SETD2: variants seen among roughly 807,000 people sequenced by gnomAD.
SETD2 encodes the protein SET domain containing 2, histone lysine methyltransferase.
Under a neutral mutation model 242.1 loss-of-function variants are expected in SETD2, and 31 were observed. The observed-to-expected ratio is 0.13, with a 90% CI of 0.10 to 0.17. The LOEUF (loss-of-function observed/expected upper bound fraction) is 0.17, where lower values mean the gene tolerates loss of function less well. SETD2 is among the 10% of genes least tolerant of loss of function. The probability of loss-of-function intolerance (pLI) is 1.00; values close to 1 mark genes in which losing one functional copy is unlikely to be tolerated. For missense variants in SETD2, 2,481 were observed against 3,046.3 expected, an observed-to-expected ratio of 0.81 and a Z score of 4.37; for synonymous variants, 1,006 against 1,066.5, an observed-to-expected ratio of 0.94 and a Z score of 1.11.
intron 14 of SETD2, among the ~76,000 whole-genome samples, chr3:47,060,210 CA>C (rs2040273580): frequency 6.6e-6 from 1 of 152,134 alleles, no homozygotes; most frequent in Non-Finnish European, 1.5e-5. Context: ...TGCAGTGAGC[CA>C]TGATCATGCC....
rs772469656 is a variant in SETD2, at chr3:47,103,352, G to A, written c.4911C>T (p.Thr1637=). Residue 1637 remains threonine, a synonymous_variant, in exon 7 of 21, where the codon ACC becomes ACT. Transcript: ENST00000409792. The stretch of plus-strand genomic sequence containing the variant: ...TAAATCCACCTCAACTTACTTTTTG[G>A]GTTTCACAATTTGGTTCACAGCTGT... ...MNHSCEPNCE[T]QKWTVNGQLR... 1 of 1,607,742 alleles carries A rather than the reference G, an allele frequency of 6.2e-7. No individual in the cohort carries two copies. The highest frequency in any genetic ancestry group is 8.5e-7 in the Non-Finnish European group (1 of 1,174,590).
At chr3:47,076,533 T>C (rs2041085195) in intron 12 of SETD2, among the ~76,000 whole-genome samples, 2 of 152,212 alleles carry the variant, frequency 1.3e-5, no homozygotes, top group African/African-American at 4.8e-5. Flanking sequence ...ACTGCCAAGA[T>C]GCCACAATAA....
rs2107729212 is a variant in SETD2 at position 47,116,765 on chromosome 3, A to G, written c.4455-11T>C. The G allele has an allele frequency of 1.3e-6, 2 of 1,556,520 alleles. No individual in the cohort carries two copies. Among genetic ancestry groups the G allele is most frequent in the Non-Finnish European group, 8.8e-7 (1 of 1,135,642 alleles). Reference sequence around the variant, plus strand: ...GATTTATTCTTCTTTCTATTGGGTAAAATTTCATAAAAACTGATTAAATAA... The same window carrying G: ...GATTTATTCTTCTTTCTATTGGGTAGAATTTCATAAAAACTGATTAAATAA... On this transcript the variant is annotated splice_polypyrimidine_tract_variant and intron_variant, in intron 3 of 20. Coordinates refer to ENST00000409792, the MANE Select transcript of SETD2 (RefSeq NM_014159.7).
chr3:47,130,122 A>G (rs1188341839), intron 1 of SETD2, among the ~76,000 whole-genome samples: 1 of 152,232 alleles, frequency 6.6e-6, no homozygotes, highest in Non-Finnish European at 1.5e-5. Flanking sequence ...CAGAGGTAAC[A>G]GCTAGTGAAT....
intron 15 of SETD2, among the ~76,000 whole-genome samples, chr3:47,054,140 A>C (rs2039960991): frequency 6.6e-6 from 1 of 152,196 alleles, no homozygotes. Flanking sequence ...TAGTTGAACC[A>C]CCACAGCCCA....
At position 47,103,019 on chromosome 3, in the gene SETD2, G is replaced by T. The variant is rs560888468; in HGVS notation, c.4917+327C>A. On this transcript the variant is annotated intron_variant, in intron 7 of 20. Coordinates refer to ENST00000409792, the MANE Select transcript of SETD2 (RefSeq NM_014159.7). Reference sequence around the variant, plus strand: ...ATGTGAGTTCCTGGATTGGATCTTGGACCAGAAAAACAACAGCTGTCAAAA... The same window carrying T: ...ATGTGAGTTCCTGGATTGGATCTTGTACCAGAAAAACAACAGCTGTCAAAA... 1.2e-4 allele frequency among the ~76,000 whole-genome samples: 19 copies of T among 152,212 alleles called. 1 individual carries two copies. The South Asian group carries it at 2.5e-3, about 20-fold the overall frequency.
chr3:47,049,934 T>C (rs1303964121), intron 15 of SETD2, among the ~76,000 whole-genome samples: 4 of 146,222 alleles, frequency 2.7e-5, no homozygotes, highest in African/African-American at 9.9e-5. Flanking sequence ...TATATAAACT[T>C]ATTCTATAAG....
Position 47,060,705 on chromosome 3 carries a change from T to C in SETD2, c.6293+1458A>G, listed in dbSNP as rs868373202. On this transcript the variant is annotated intron_variant, in intron 14 of 20. Transcript: ENST00000409792. ...CAAGGGAGGATTTCTAAAAACACAA[T>C]TTAAAAAACCATAAAGAAAACATAC... Among the ~76,000 whole-genome samples the C allele has an allele frequency of 2.0e-5, 3 of 151,988 alleles. No individual in the cohort carries two copies. The South Asian group carries it at 6.2e-4, about 32-fold the overall frequency.
At chr3:47,087,189 C>T (rs2041597962) in intron 10 of SETD2, among the ~76,000 whole-genome samples, 1 of 141,352 alleles carries the variant, frequency 7.1e-6, no homozygotes, top group African/African-American at 2.6e-5. Context: ...AAGGCTATGG[C>T]AAGTGTGATG....
At chr3:47,163,559 G>A (rs931939444) in intron 1 of SETD2, 1 of 166,748 alleles carries the variant, frequency 6.0e-6, no homozygotes, top group African/African-American at 2.4e-5. Flanking sequence ...CCGGGTCGGT[G>A]CGGACACGGC....
intron 4 of SETD2, among the ~76,000 whole-genome samples, chr3:47,115,194 T>C (rs2042808016): frequency 6.6e-6 from 1 of 151,224 alleles, no homozygotes; most frequent in African/African-American, 2.4e-5. Context: ...GAAAGGTGAG[T>C]TGCTGGAGGA....
chr3:47,111,289 A>T (rs2042641647), intron 5 of SETD2, among the ~76,000 whole-genome samples: 2 of 152,086 alleles, frequency 1.3e-5, no homozygotes, highest in Admixed American at 1.3e-4. Flanking sequence ...ATTATAAAGA[A>T]TCCAATGAAT....
chr3:47,026,415 A>T (rs2038482323), intron 18 of SETD2, among the ~76,000 whole-genome samples: 1 of 152,224 alleles, frequency 6.6e-6, no homozygotes, highest in South Asian at 2.1e-4. Context: ...AAGGATCTAG[A>T]ACCAGAAATA....
At chr3:47,048,221 C>T (rs2039619671) in intron 15 of SETD2, among the ~76,000 whole-genome samples, 1 of 152,076 alleles carries the variant, frequency 6.6e-6, no homozygotes, top group Non-Finnish European at 1.5e-5. Context: ...AATCCCATCT[C>T]TACTAAAAAT....
intron 1 of SETD2, among the ~76,000 whole-genome samples, chr3:47,139,211 C>A (rs968451499): frequency 6.6e-6 from 1 of 152,284 alleles, no homozygotes; most frequent in South Asian, 2.1e-4. Flanking sequence ...CTCCACACTA[C>A]ACACATACCA....
rs60017851 is a variant in SETD2, at chr3:47,109,226, G to A, written c.4716-3106C>T. Among the ~76,000 whole-genome samples the A allele has an allele frequency of 1.9e-3, 290 of 152,204 alleles. 2 individuals carry two copies. Among genetic ancestry groups the A allele is most frequent in the African/African-American group, 6.6e-3 (274 of 41,526 alleles). ...AAAGACTGATAGATAAAAAAGAGAC[G>A]GGCAGACAGAGAATGTAAAATAAAG... On this transcript the variant is annotated intron_variant, in intron 5 of 20. Transcript: ENST00000409792.
intron 1 of SETD2, among the ~76,000 whole-genome samples, chr3:47,131,839 G>A (rs939498210): frequency 2.7e-5 from 4 of 149,972 alleles, no homozygotes; most frequent in East Asian, 2.0e-4. Flanking sequence ...GTACAGAGGC[G>A]TGACCTCAGC....
At chr3:47,040,167 CG>C (rs1263361653) in intron 17 of SETD2, among the ~76,000 whole-genome samples, 1 of 151,836 alleles carries the variant, frequency 6.6e-6, no homozygotes, top group African/African-American at 2.4e-5. Context: ...GGAGTAGAGA[CG>C]GGGTTTCATC....
chr3:47,105,929 A>C (rs546663115), intron 6 of SETD2, 68 bp downstream of exon 6: 72 of 1,491,502 alleles, frequency 4.8e-5, no homozygotes, highest in Admixed American at 8.4e-5. Flanking sequence ...AAAAAAATCA[A>C]ATCAGTATCA....
Sources: allele counts gnomAD v4.1 joint callset (sites outside exome capture counted in the v4.1 genomes callset), GRCh38; gene constraint gnomAD v4.1.1; transcripts MANE v1.5; gene names NCBI Gene and HGNC (gene_info 2026-07-23, HGNC 2026-07-21).